The following MRPS27 variants were observed in gnomAD, a reference collection of about 807,000 sequenced individuals.
MRPS27 encodes the protein mitochondrial ribosomal protein S27, also known as small ribosomal subunit protein mS27.
Under a neutral mutation model 48.9 loss-of-function variants are expected in MRPS27, and 43 were observed. That is an observed-to-expected ratio of 0.88 (90% confidence interval 0.69 to 1.13). The LOEUF (loss-of-function observed/expected upper bound fraction) is 1.13. Ranked by LOEUF, MRPS27 falls within the 50% of genes most tolerant of loss-of-function variation. The probability of loss-of-function intolerance (pLI) is 0.00; values close to 1 mark genes in which losing one functional copy is unlikely to be tolerated. For missense variants in MRPS27, 467 were observed against 476.3 expected (o/e 0.98, Z 0.18); for synonymous variants, 188 against 171.9 (o/e 1.09, Z -0.73).
Position 72,307,830 on chromosome 5 carries a change from G to A in MRPS27, c.151+6251C>T, listed in dbSNP as rs541281711. On this transcript the variant is annotated intron_variant, in intron 2 of 10. Transcript: ENST00000261413. ...GGTAATTCATCAATGTCTATATTAC[G>A]ACTTGCACACTTTTCAGTATGTATA... The A allele has an allele frequency of 9.9e-5, 15 of 152,284 alleles. No individual in the cohort carries two copies. In the South Asian group the frequency reaches 2.5e-3, roughly 25 times the overall value. 9.4% of individuals were successfully genotyped at this position (152,284 alleles called of 1,614,324 possible).
intron 4 of MRPS27, among the ~76,000 whole-genome samples, chr5:72,273,416 G>A (rs928293934): frequency 3.9e-5 from 6 of 152,142 alleles, no homozygotes; most frequent in Admixed American, 6.5e-5. Flanking sequence ...AACAGGATAC[G>A]TCCTCACTCT....
At chr5:72,255,303 G>A (rs1206752308) in intron 4 of MRPS27, among the ~76,000 whole-genome samples, 1 of 151,890 alleles carries the variant, frequency 6.6e-6, no homozygotes, top group Admixed American at 6.6e-5. Context: ...CACCCGCCTT[G>A]GACTCCCTAA....
chr5:72,249,252 A>G (rs1245667747), intron 4 of MRPS27, among the ~76,000 whole-genome samples: 1 of 152,230 alleles, frequency 6.6e-6, no homozygotes, highest in Non-Finnish European at 1.5e-5. Context: ...GGAGCATTTG[A>G]TGAGGTCAAA....
chr5:72,220,973 T>C lies in MRPS27; in HGVS notation c.1181A>G (p.Gln394Arg). ...CTGCTTCGCTTGCTCCCTCTGTTGCTGTTCTCTCTGGATCAACTGTACAAG... is the reference window on the plus strand; with the variant it reads ...CTGCTTCGCTTGCTCCCTCTGTTGCCGTTCTCTCTGGATCAACTGTACAAG... The part of the protein sequence containing the change: ...LDLVQLIQRE[Q>R]QQREQAKQEY... Residue 394 changes from glutamine to arginine, a missense_variant, in exon 11 of 11, where the codon CAG becomes CGG. By Grantham distance (43) the Gln-to-Arg change is conservative (BLOSUM62 1). Coordinates refer to ENST00000261413, the MANE Select transcript of MRPS27 (RefSeq NM_015084.3). The C allele has an allele frequency of 6.2e-7, 1 of 1,614,176 alleles. No homozygotes were observed. The highest frequency in any genetic ancestry group is 8.5e-7 in the Non-Finnish European group (1 of 1,180,008).
chr5:72,238,469 G>A (rs185355323), intron 4 of MRPS27, among the ~76,000 whole-genome samples: 4 of 152,254 alleles, frequency 2.6e-5, no homozygotes, highest in African/African-American at 7.2e-5. Context: ...TAGAAGAGAC[G>A]TGAAGCTTAA....
At chr5:72,247,501 T>G (rs538389118) in intron 4 of MRPS27, among the ~76,000 whole-genome samples, 1 of 152,214 alleles carries the variant, frequency 6.6e-6, no homozygotes, top group Non-Finnish European at 1.5e-5. Flanking sequence ...GTACCCACTT[T>G]GGGCAGGCAA....
intron 1 of MRPS27, among the ~76,000 whole-genome samples, chr5:72,318,999 G>A (rs1750651739): frequency 6.6e-6 from 1 of 152,180 alleles, no homozygotes; most frequent in Admixed American, 6.5e-5. Flanking sequence ...TCAGAAAACT[G>A]GTGGCCAACT....
At chr5:72,304,434 A>G (rs988968622) in intron 2 of MRPS27, among the ~76,000 whole-genome samples, 1 of 152,206 alleles carries the variant, frequency 6.6e-6, no homozygotes, top group Non-Finnish European at 1.5e-5. Flanking sequence ...TAAAAATATA[A>G]AAGCTAGCTA....
intron 2 of MRPS27, among the ~76,000 whole-genome samples, chr5:72,302,378 G>C (rs138031421): frequency 5.6e-4 from 85 of 152,254 alleles, no homozygotes; most frequent in Middle Eastern, 6.8e-3. Context: ...GGTAGCACGA[G>C]AGACTTAAAC....
chr5:72,312,426 G>A (rs1750464535), intron 2 of MRPS27, among the ~76,000 whole-genome samples: 1 of 150,390 alleles, frequency 6.6e-6, no homozygotes, highest in Non-Finnish European at 1.5e-5. Context: ...ATTTGAATTT[G>A]CCAGTATACC....
intron 10 of MRPS27, among the ~76,000 whole-genome samples, chr5:72,222,082 A>G (rs1194084705): frequency 1.3e-5 from 2 of 152,212 alleles, no homozygotes; most frequent in Non-Finnish European, 2.9e-5. Context: ...CAGGGTGCCT[A>G]GGCTCCAGGA....
intron 2 of MRPS27, among the ~76,000 whole-genome samples, chr5:72,299,096 C>T (rs1250965318): frequency 6.6e-6 from 1 of 151,986 alleles, no homozygotes; most frequent in Admixed American, 6.6e-5. Flanking sequence ...AATATGGGAA[C>T]AGCAGACACT....
At chr5:72,291,361 T>A (rs1749815233) in intron 4 of MRPS27, among the ~76,000 whole-genome samples, 1 of 152,250 alleles carries the variant, frequency 6.6e-6, no homozygotes, top group African/African-American at 2.4e-5. Flanking sequence ...GGCAGTCTGA[T>A]GAAGGCTTCT....
At chr5:72,257,019 G>A (rs1748827591) in intron 4 of MRPS27, among the ~76,000 whole-genome samples, 1 of 152,160 alleles carries the variant, frequency 6.6e-6, no homozygotes. Context: ...GTAAGTATAG[G>A]AGATGTACAA....
intron 4 of MRPS27, among the ~76,000 whole-genome samples, chr5:72,277,266 G>T (rs1338337040): frequency 1.3e-5 from 2 of 152,108 alleles, no homozygotes; most frequent in African/African-American, 4.8e-5. Context: ...CTGTTGATGG[G>T]AATATAAATT....
rs750078052 is a variant in MRPS27, at chr5:72,223,770, G to C, written c.918C>G (p.Asp306Glu). 1 of 1,614,020 alleles carries C rather than the reference G, an allele frequency of 6.2e-7. No homozygotes were observed. Among genetic ancestry groups the C allele is most frequent in the Non-Finnish European group, 8.5e-7 (1 of 1,179,948 alleles). Residue 306 changes from aspartate to glutamate, a missense_variant, in exon 10 of 11, where the codon GAC becomes GAG. Transcript: ENST00000261413. ...ASEEQSQNDEDNQGSEKLVEQ... is the reference protein window; with the variant it reads ...ASEEQSQNDEENQGSEKLVEQ... ...CCACCAGTTTTTCTGACCCCTGGTT[G>C]TCTTCATCATTTTGGGACTGCTCCT...
At chr5:72,250,684 T>C (rs1274732361) in intron 4 of MRPS27, among the ~76,000 whole-genome samples, 1 of 152,208 alleles carries the variant, frequency 6.6e-6, no homozygotes, top group Non-Finnish European at 1.5e-5. Flanking sequence ...GAAAATCACA[T>C]AGGAGCTATT....
intron 4 of MRPS27, among the ~76,000 whole-genome samples, chr5:72,273,876 T>C (rs1403505878): frequency 6.6e-6 from 1 of 152,244 alleles, no homozygotes; most frequent in East Asian, 1.9e-4. Context: ...TAGCTTCCTG[T>C]AACTGTTTTA....
chr5:72,273,082 C>A (rs1428384767), intron 4 of MRPS27, among the ~76,000 whole-genome samples: 1 of 152,106 alleles, frequency 6.6e-6, no homozygotes, highest in Non-Finnish European at 1.5e-5. Context: ...GATTATCCAG[C>A]ATTTTACTCC....
Sources: allele counts gnomAD v4.1 joint callset (sites outside exome capture counted in the v4.1 genomes callset), GRCh38; gene constraint gnomAD v4.1.1; transcripts MANE v1.5; gene names NCBI Gene and HGNC (gene_info 2026-07-23, HGNC 2026-07-21).